Variants in TTLL11 observed in about 807,000 individuals in gnomAD.
The protein encoded by TTLL11 is tubulin polyglutamylase TTLL11.
Under a neutral mutation model 51.7 loss-of-function variants are expected in TTLL11, and 42 were observed. That is an observed-to-expected ratio of 0.81 (90% confidence interval 0.64 to 1.05). TTLL11 has a LOEUF of 1.05. TTLL11 is among the 50% of genes least tolerant of loss of function. TTLL11 has a pLI of 0.00. For missense variants in TTLL11, 799 were observed against 940.4 expected, an observed-to-expected ratio of 0.85 and a Z score of 1.97; for synonymous variants, 381 against 383.5, an observed-to-expected ratio of 0.99 and a Z score of 0.08.
intron 3 of TTLL11, among the ~76,000 whole-genome samples, chr9:122,001,159 G>A (rs1365322475): frequency 6.6e-6 from 1 of 152,192 alleles, no homozygotes; most frequent in Non-Finnish European, 1.5e-5. Context: ...GCAATGGCGT[G>A]ATCTCGGCTC....
intron 1 of TTLL11, among the ~76,000 whole-genome samples, chr9:122,087,575 C>T (rs1374167240): frequency 6.6e-6 from 1 of 152,112 alleles, no homozygotes; most frequent in East Asian, 1.9e-4. Context: ...AACAAAGGTC[C>T]CGCTATGAAA....
chr9:121,881,615 AG>A (rs2131418518), intron 6 of TTLL11, among the ~76,000 whole-genome samples: 1 of 152,338 alleles, frequency 6.6e-6, no homozygotes, highest in East Asian at 1.9e-4. Context: ...AGCTTCACTC[AG>A]CATCACGCCA....
rs559771609 is a variant in TTLL11 at position 122,049,649 on chromosome 9, C to T, written c.463-10281G>A. On this transcript the variant is annotated intron_variant, in intron 1 of 8. Transcript: ENST00000321582. ...ACTAAAAACAAACTTGCAAAATAGTCATGTTCAAATGAGAACTGAAGCTGT... is the reference window on the plus strand; with the variant it reads ...ACTAAAAACAAACTTGCAAAATAGTTATGTTCAAATGAGAACTGAAGCTGT... 1.5e-4 allele frequency among the ~76,000 whole-genome samples: 23 copies of T among 152,308 alleles called. No homozygotes were observed. The East Asian group carries it at 1.7e-3, about 11-fold the overall frequency.
Position 121,831,694 on chromosome 9 carries a change from T to C in TTLL11, c.1841-8815A>G, listed in dbSNP as rs568774801. Among the ~76,000 whole-genome samples, 122 of 110,880 alleles carry C rather than the reference T, an allele frequency of 1.1e-3. 2 individuals are homozygous for C. In the South Asian group the frequency reaches 0.029, roughly 26 times the overall value. The allele number at this position is 110,880 out of a possible 152,430, so 72.7% of individuals were successfully genotyped here. A position where few individuals can be genotyped will look rare whatever the true frequency, so the allele number is the denominator to read the frequency against. Reference sequence around the variant, plus strand: ...CAGCCTGGGCAAGAGAGAGAGACTCTGTCTCAAAAAAAAAAAAAAAAGAAT... The same window carrying C: ...CAGCCTGGGCAAGAGAGAGAGACTCCGTCTCAAAAAAAAAAAAAAAAGAAT... On this transcript the variant is annotated intron_variant, in intron 8 of 8. Transcript: ENST00000321582.
intron 6 of TTLL11, among the ~76,000 whole-genome samples, chr9:121,972,795 A>G (rs533337671): frequency 6.6e-6 from 1 of 152,382 alleles, no homozygotes; most frequent in East Asian, 1.9e-4. Flanking sequence ...TGGTTTTCTG[A>G]AAGCTGCCCA....
intron 6 of TTLL11, among the ~76,000 whole-genome samples, chr9:121,874,008 C>T (rs113757114): frequency 1.9e-4 from 29 of 151,790 alleles, no homozygotes; most frequent in Admixed American, 7.2e-4. Flanking sequence ...CCACACCTGG[C>T]TAATTTTTGT....
At chr9:121,867,924 C>T (rs1281162389) in intron 7 of TTLL11, among the ~76,000 whole-genome samples, 1 of 152,206 alleles carries the variant, frequency 6.6e-6, no homozygotes, top group Non-Finnish European at 1.5e-5. Flanking sequence ...TGCTCAGGAA[C>T]AGTCGTTAGG....
chr9:121,858,622 T>C (rs920976915), intron 8 of TTLL11, among the ~76,000 whole-genome samples: 1 of 152,168 alleles, frequency 6.6e-6, no homozygotes, highest in Non-Finnish European at 1.5e-5. Context: ...CACATGGGTG[T>C]AGGGCAGGAT....
intron 1 of TTLL11, among the ~76,000 whole-genome samples, chr9:122,077,771 T>C (rs1050041432): frequency 2.0e-5 from 3 of 150,630 alleles, no homozygotes; most frequent in African/African-American, 7.3e-5. Flanking sequence ...CATGTTGTTT[T>C]CAAGCATACA....
intron 6 of TTLL11, among the ~76,000 whole-genome samples, chr9:121,873,686 G>C (rs944872706): frequency 4.0e-5 from 6 of 151,144 alleles, no homozygotes; most frequent in African/African-American, 1.5e-4. Context: ...AGAGATAGGG[G>C]CTCACTTTGT....
Position 122,092,985 on chromosome 9 carries a change from G to T in TTLL11, c.164C>A (p.Ala55Glu). 6.4e-7 allele frequency: 1 copy of T among 1,563,620 alleles called. No individual in the cohort carries two copies. Among genetic ancestry groups the T allele is most frequent in the Non-Finnish European group, 8.6e-7 (1 of 1,164,156 alleles). The change falls in exon 1 of 9, where the codon GCA (alanine) becomes GAA (glutamate). Residue 55 changes from alanine to glutamate, a missense_variant. Physicochemically the swap from Ala to Glu is moderately radical, Grantham distance 107. Coordinates refer to ENST00000321582, the MANE Select transcript of TTLL11 (RefSeq NM_001139442.2). ...AGAAGEPECK[A>E]GEEQPKVLAP... ...CAGGACCTTGGGCTGCTCCTCCCCT[G>T]CCTTGCACTCCGGTTCCCCGGCCGC... is the stretch of plus-strand genomic sequence containing the variant.
intron 6 of TTLL11, among the ~76,000 whole-genome samples, chr9:121,899,391 A>ATG (rs1426651792): frequency 9.5e-5 from 12 of 126,658 alleles, no homozygotes; most frequent in African/African-American, 2.2e-4. Flanking sequence ...ATATATATAT[A>ATG]TATATATATA....
At chr9:122,018,473 A>G (rs1248208336) in intron 3 of TTLL11, among the ~76,000 whole-genome samples, 2 of 152,236 alleles carry the variant, frequency 1.3e-5, no homozygotes, top group Non-Finnish European at 2.9e-5. Flanking sequence ...TCATCATCAC[A>G]TGCGATGAAA....
At chr9:122,092,607 G>T in intron 1 of TTLL11, 80 bp downstream of exon 1, 1 of 1,523,252 alleles carries the variant, frequency 6.6e-7, no homozygotes, top group South Asian at 1.2e-5. Flanking sequence ...CCGCCGACCT[G>T]ACCTGGGCCG....
chr9:121,858,254 G>C (rs1365151773), intron 8 of TTLL11, among the ~76,000 whole-genome samples: 1 of 152,162 alleles, frequency 6.6e-6, no homozygotes, highest in Non-Finnish European at 1.5e-5. Flanking sequence ...TTGACTTAAA[G>C]AAAGGGGAGC....
At chr9:122,038,621 T>C (rs1347932331) in intron 2 of TTLL11, among the ~76,000 whole-genome samples, 1 of 152,136 alleles carries the variant, frequency 6.6e-6, no homozygotes, top group Non-Finnish European at 1.5e-5. Flanking sequence ...TGCTCTCCAG[T>C]ATGAGTGACC....
At chr9:121,944,655 CAT>C (rs2131588573) in intron 6 of TTLL11, among the ~76,000 whole-genome samples, 1 of 152,190 alleles carries the variant, frequency 6.6e-6, no homozygotes, top group African/African-American at 2.4e-5. Context: ...ATTCCTATGT[CAT>C]AAAGCGTGGT....
At chr9:122,051,356 A>G (rs1402333324) in intron 1 of TTLL11, among the ~76,000 whole-genome samples, 1 of 152,216 alleles carries the variant, frequency 6.6e-6, no homozygotes, top group African/African-American at 2.4e-5. Flanking sequence ...GAGTTGTGAC[A>G]AACACTTCAA....
intron 6 of TTLL11, among the ~76,000 whole-genome samples, chr9:121,967,387 G>A (rs1842432621): frequency 6.6e-6 from 1 of 151,862 alleles, no homozygotes; most frequent in Non-Finnish European, 1.5e-5. Context: ...ACCAGGCCCA[G>A]CTAATTTTTG....
Sources: gnomAD v4.1 joint callset for allele counts (sites outside exome capture counted in the v4.1 genomes callset) on GRCh38, gnomAD v4.1.1 for gene constraint, MANE v1.5 for transcripts, NCBI Gene and HGNC (gene_info 2026-07-23, HGNC 2026-07-21) for gene names.